Variants in SH3RF3 observed in about 807,000 individuals in gnomAD.
SH3RF3 encodes E3 ubiquitin-protein ligase SH3RF3.
In SH3RF3, 29 loss-of-function variants were observed where a neutral mutation model predicts 66.3. The observed-to-expected ratio is 0.44, with a 90% CI of 0.33 to 0.60. SH3RF3 has a LOEUF of 0.60. SH3RF3 is among the 20% of genes least tolerant of loss of function. SH3RF3 has a pLI of 0.04. For synonymous variants in SH3RF3, 583 were observed against 532.0 expected (o/e 1.10, Z -1.32); for missense variants, 1,194 against 1,190.9 (o/e 1.00, Z -0.04).
At chr2:109,296,296 C>T (rs1405756449) in intron 1 of SH3RF3, among the ~76,000 whole-genome samples, 2 of 151,980 alleles carry the variant, frequency 1.3e-5, no homozygotes, top group African/African-American at 2.4e-5. Flanking sequence ...GGTGCTATCT[C>T]GGCTCACTGC....
chr2:109,457,207 AATT>A (rs1678085199), intron 8 of SH3RF3, among the ~76,000 whole-genome samples: 1 of 152,150 alleles, frequency 6.6e-6, no homozygotes, highest in Admixed American at 6.5e-5. Context: ...AAGTATTAGA[AATT>A]ATTATTAAGA....
At chr2:109,450,513 C>A (rs1045890012) in intron 8 of SH3RF3, among the ~76,000 whole-genome samples, 12 of 152,124 alleles carry the variant, frequency 7.9e-5, no homozygotes, top group Non-Finnish European at 1.5e-5. Context: ...TTTCTAGTAG[C>A]CACATTTTTA....
intron 7 of SH3RF3, among the ~76,000 whole-genome samples, chr2:109,439,627 C>G (rs1370399340): frequency 3.3e-5 from 5 of 152,134 alleles, no homozygotes; most frequent in African/African-American, 1.2e-4. Context: ...AATGTAACTC[C>G]TTTCCCAAAG....
chr2:109,140,962 G>A (rs1676934110), intron 1 of SH3RF3, among the ~76,000 whole-genome samples: 1 of 152,156 alleles, frequency 6.6e-6, no homozygotes, highest in Non-Finnish European at 1.5e-5. Flanking sequence ...TCCATCCGGG[G>A]CTGCTGTGAA....
intron 1 of SH3RF3, among the ~76,000 whole-genome samples, chr2:109,164,147 A>G (rs1677560300): frequency 6.6e-6 from 1 of 151,540 alleles, no homozygotes; most frequent in South Asian, 2.1e-4. Flanking sequence ...TTTTTGGTCC[A>G]GGAAAACTCT....
intron 8 of SH3RF3, among the ~76,000 whole-genome samples, chr2:109,477,932 G>A (rs1678732023): frequency 6.6e-6 from 1 of 152,192 alleles, no homozygotes; most frequent in African/African-American, 2.4e-5. Context: ...GCATGGACCT[G>A]CAGGAAAGAT....
intron 2 of SH3RF3, among the ~76,000 whole-genome samples, chr2:109,351,743 C>A (rs1391538901): frequency 1.3e-5 from 2 of 152,232 alleles, no homozygotes; most frequent in Non-Finnish European, 2.9e-5. Context: ...CAGCCCTAAT[C>A]CCTACCAGGT....
intron 7 of SH3RF3, among the ~76,000 whole-genome samples, chr2:109,447,331 T>C (rs1051592976): frequency 6.6e-6 from 1 of 152,144 alleles, no homozygotes; most frequent in African/African-American, 2.4e-5. Flanking sequence ...GAAGAAGGCC[T>C]GACTCCCAGA....
intron 9 of SH3RF3, among the ~76,000 whole-genome samples, chr2:109,494,075 G>A (rs186911307): frequency 4.6e-5 from 7 of 152,200 alleles, no homozygotes; most frequent in Non-Finnish European, 7.3e-5. Flanking sequence ...CTTTGGGATA[G>A]TTCAAAGCTG....
intron 5 of SH3RF3, among the ~76,000 whole-genome samples, chr2:109,423,155 G>A (rs930884538): frequency 2.0e-5 from 3 of 152,112 alleles, no homozygotes; most frequent in Non-Finnish European, 4.4e-5. Flanking sequence ...GAGGGACCTG[G>A]GAGTCCTATC....
At chr2:109,210,651 G>C (rs149390064) in intron 1 of SH3RF3, among the ~76,000 whole-genome samples, 8 of 152,250 alleles carry the variant, frequency 5.3e-5, no homozygotes, top group African/African-American at 1.9e-4. Flanking sequence ...TAAGGGGAGA[G>C]GTGGGGTCTG....
Position 109,177,992 on chromosome 2 carries a change from T to A in SH3RF3, c.573+47879T>A, listed in dbSNP as rs370261703. ...AAATCATCTAACATAATCAGAAAAT[T>A]AGACCTAAACAAAGGGCCTAAATCT... On this transcript the variant is annotated intron_variant, in intron 1 of 9. Coordinates refer to ENST00000309415, the MANE Select transcript of SH3RF3 (RefSeq NM_001099289.3). Among the ~76,000 whole-genome samples the A allele has an allele frequency of 3.9e-5, 6 of 152,336 alleles. No homozygotes were observed. The East Asian group carries it at 9.6e-4, about 24-fold the overall frequency.
chr2:109,354,355 T>C (rs1462979598), intron 2 of SH3RF3, among the ~76,000 whole-genome samples: 3 of 152,172 alleles, frequency 2.0e-5, no homozygotes, highest in Non-Finnish European at 4.4e-5. Context: ...CAGCTTGTTA[T>C]TGCTTCTAGG....
rs1053974874 is a variant in SH3RF3 at position 109,419,665 on chromosome 2, C to T, written c.1403+23C>T. Reference sequence around the variant, plus strand: ...CGTGTGAGCTGCCCTTTGTGTCTGTCGGGGTCCTGTGCCTGCAGCCCTCCC... The same window carrying T: ...CGTGTGAGCTGCCCTTTGTGTCTGTTGGGGTCCTGTGCCTGCAGCCCTCCC... On this transcript the variant is annotated intron_variant, in intron 5 of 9. Coordinates refer to ENST00000309415, the MANE Select transcript of SH3RF3 (RefSeq NM_001099289.3). 7.1e-6 allele frequency: 11 copies of T among 1,551,916 alleles called. No homozygotes were observed. In the Admixed American group the frequency reaches 1.2e-4, roughly 16 times the overall value.
At chr2:109,484,310 G>A (rs568333075) in intron 8 of SH3RF3, among the ~76,000 whole-genome samples, 116 of 152,080 alleles carry the variant, frequency 7.6e-4, no homozygotes, top group Admixed American at 1.4e-3. Flanking sequence ...GAGGTGATCC[G>A]TCCACCTTGG....
At chr2:109,371,450 A>AATGG (rs1188357981) in intron 2 of SH3RF3, 136 bp from the exon 3 acceptor site, 2 of 628,410 alleles carry the variant, frequency 3.2e-6, no homozygotes, top group Non-Finnish European at 5.7e-6. Context: ...CAGATACCTG[A>AATGG]ATGGATAATG....
intron 1 of SH3RF3, among the ~76,000 whole-genome samples, chr2:109,255,310 C>G (rs536591158): frequency 5.9e-5 from 9 of 152,146 alleles, no homozygotes; most frequent in Non-Finnish European, 5.9e-5. Context: ...CCATACCACC[C>G]ACCGGTGAAA....
At chr2:109,233,746 C>G (rs1343014670) in intron 1 of SH3RF3, among the ~76,000 whole-genome samples, 1 of 152,228 alleles carries the variant, frequency 6.6e-6, no homozygotes, top group African/African-American at 2.4e-5. Flanking sequence ...AGTCCCACAT[C>G]AGCTTTCTGT....
intron 5 of SH3RF3, among the ~76,000 whole-genome samples, chr2:109,431,794 C>T (rs979460608): frequency 2.6e-5 from 4 of 152,104 alleles, no homozygotes; most frequent in African/African-American, 9.7e-5. Context: ...TCACTTGAGC[C>T]CAGGCCATTG....
Sources: gnomAD v4.1 joint callset for allele counts (sites outside exome capture counted in the v4.1 genomes callset) on GRCh38, gnomAD v4.1.1 for gene constraint, MANE v1.5 for transcripts, NCBI Gene and HGNC (gene_info 2026-07-23, HGNC 2026-07-21) for gene names.